LRRC4C: variants seen among roughly 807,000 people sequenced by gnomAD.
LRRC4C encodes the protein leucine-rich repeat-containing protein 4C.
In LRRC4C, 5 loss-of-function variants were observed where a neutral mutation model predicts 33.6. That is an observed-to-expected ratio of 0.15 (90% CI 0.08 to 0.31). LRRC4C has a LOEUF of 0.31. LRRC4C is among the 10% of genes least tolerant of loss of function. The pLI is 1.00. For synonymous variants in LRRC4C, 329 were observed against 302.0 expected (o/e 1.09, Z -0.93); for missense variants, 560 against 796.7 (o/e 0.70, Z 3.58).
intron 1 of LRRC4C, among the ~76,000 whole-genome samples, chr11:41,379,517 A>G (rs1044044391): frequency 6.6e-6 from 1 of 152,164 alleles, no homozygotes; most frequent in African/African-American, 2.4e-5. Context: ...TTTGGGCACA[A>G]GATAAGTATT....
chr11:41,221,521 A>G lies in LRRC4C; in HGVS notation c.-496+237910T>C, dbSNP rs550998319. On this transcript the variant is annotated intron_variant, in intron 1 of 6. Coordinates refer to ENST00000528697, the MANE Select transcript of LRRC4C (RefSeq NM_001258419.2). Reference sequence around the variant, plus strand: ...TCCTCAAAGACATAAAGACATAAATACCATTTGACCCAGCAATCCCATTAC... The same window carrying G: ...TCCTCAAAGACATAAAGACATAAATGCCATTTGACCCAGCAATCCCATTAC... Among the ~76,000 whole-genome samples, 568 of 152,264 alleles carry G rather than the reference A, an allele frequency of 3.7e-3. 3 individuals carry two copies. Among genetic ancestry groups the G allele is most frequent in the Middle Eastern group, 0.02 (6 of 294 alleles).
At chr11:40,296,841 C>T (rs1211334184) in intron 4 of LRRC4C, among the ~76,000 whole-genome samples, 2 of 152,166 alleles carry the variant, frequency 1.3e-5, no homozygotes, top group Non-Finnish European at 2.9e-5. Flanking sequence ...AATAATATTA[C>T]ACCACCACCC....
At chr11:40,191,147 G>T (rs907599295) in intron 5 of LRRC4C, among the ~76,000 whole-genome samples, 1 of 152,108 alleles carries the variant, frequency 6.6e-6, no homozygotes, top group African/African-American at 2.4e-5. Flanking sequence ...TCAGGAAAAT[G>T]GCCCCATGTG....
chr11:40,956,459 C>A (rs1233817857), intron 1 of LRRC4C, among the ~76,000 whole-genome samples: 104 of 151,618 alleles, frequency 6.9e-4, no homozygotes, highest in Non-Finnish European at 4.4e-5. Flanking sequence ...CTGTTTAGTA[C>A]AAGATCTGCT....
chr11:41,264,278 G>C (rs898256226), intron 1 of LRRC4C, among the ~76,000 whole-genome samples: 4 of 151,954 alleles, frequency 2.6e-5, no homozygotes, highest in Non-Finnish European at 5.9e-5. Flanking sequence ...TTTTAGTAGA[G>C]ATGGGGTTTC....
At chr11:40,978,136 T>G (rs1852218475) in intron 1 of LRRC4C, among the ~76,000 whole-genome samples, 2 of 152,222 alleles carry the variant, frequency 1.3e-5, no homozygotes. Flanking sequence ...TTCCATTTAT[T>G]ATTGCATTAG....
At chr11:41,425,886 A>G (rs1173606945) in intron 1 of LRRC4C, among the ~76,000 whole-genome samples, 1 of 152,070 alleles carries the variant, frequency 6.6e-6, no homozygotes, top group East Asian at 1.9e-4. Context: ...CACGTGGGTA[A>G]GGGATAGGTT....
chr11:40,911,086 G>C (rs540805913), intron 2 of LRRC4C, among the ~76,000 whole-genome samples: 127 of 152,318 alleles, frequency 8.3e-4, no homozygotes, highest in Non-Finnish European at 1.4e-3. Flanking sequence ...AGCTCAAGGA[G>C]GCCTGCCTGC....
At chr11:40,539,485 C>T (rs1049281814) in intron 3 of LRRC4C, among the ~76,000 whole-genome samples, 8 of 151,982 alleles carry the variant, frequency 5.3e-5, no homozygotes, top group African/African-American at 1.9e-4. Flanking sequence ...AAGTTTGAAG[C>T]TCTATCATTT....
chr11:41,053,258 C>T (rs1347094657), intron 1 of LRRC4C, among the ~76,000 whole-genome samples: 1 of 152,206 alleles, frequency 6.6e-6, no homozygotes, highest in East Asian at 1.9e-4. Flanking sequence ...TTAAATACCC[C>T]TCTTGCTAGG....
chr11:40,162,091 C>T (rs1397156291), intron 5 of LRRC4C, among the ~76,000 whole-genome samples: 2 of 151,670 alleles, frequency 1.3e-5, no homozygotes, highest in African/African-American at 4.8e-5. Context: ...GGGTTGTATT[C>T]ATAGTTCCAA....
intron 1 of LRRC4C, among the ~76,000 whole-genome samples, chr11:41,252,423 G>C (rs1165834838): frequency 6.6e-6 from 1 of 152,238 alleles, no homozygotes; most frequent in East Asian, 1.9e-4. Flanking sequence ...CAAAGGAGTA[G>C]AGAAAGAGTT....
At chr11:41,457,063 A>G (rs577584498) in intron 1 of LRRC4C, among the ~76,000 whole-genome samples, 1 of 152,336 alleles carries the variant, frequency 6.6e-6, no homozygotes, top group East Asian at 1.9e-4. Context: ...TACAATTATT[A>G]AATCTTTAAT....
intron 1 of LRRC4C, among the ~76,000 whole-genome samples, chr11:41,096,231 C>A (rs1426049299): frequency 2.0e-5 from 3 of 152,116 alleles, no homozygotes; most frequent in African/African-American, 7.2e-5. Context: ...TATTAACATT[C>A]TTTTGCATTT....
intron 3 of LRRC4C, among the ~76,000 whole-genome samples, chr11:40,557,334 T>A (rs1957370275): frequency 6.6e-6 from 1 of 152,120 alleles, no homozygotes; most frequent in African/African-American, 2.4e-5. Context: ...GGTCACTTGG[T>A]CTCTTCGAGT....
intron 1 of LRRC4C, among the ~76,000 whole-genome samples, chr11:41,331,687 A>G (rs1221745509): frequency 6.6e-6 from 1 of 152,130 alleles, no homozygotes; most frequent in East Asian, 1.9e-4. Context: ...TTCCATGGCT[A>G]CAACATACAG....
intron 1 of LRRC4C, among the ~76,000 whole-genome samples, chr11:41,356,312 C>T (rs1952159543): frequency 6.6e-6 from 1 of 152,092 alleles, no homozygotes; most frequent in Admixed American, 6.6e-5. Context: ...ACTGGTAGAT[C>T]ACACTGTGTC....
At chr11:40,202,421 A>T (rs1862831856) in intron 5 of LRRC4C, among the ~76,000 whole-genome samples, 2 of 152,096 alleles carry the variant, frequency 1.3e-5, no homozygotes, top group South Asian at 4.1e-4. Flanking sequence ...GGGAAAGTCA[A>T]GCAGGGAGAG....
intron 5 of LRRC4C, among the ~76,000 whole-genome samples, chr11:40,155,837 C>A (rs1858641877): frequency 6.6e-6 from 1 of 152,038 alleles, no homozygotes; most frequent in South Asian, 2.1e-4. Flanking sequence ...AAGAACCTTC[C>A]CTAACTCATT....
Sources: gnomAD v4.1 joint callset for allele counts (sites outside exome capture counted in the v4.1 genomes callset) on GRCh38, gnomAD v4.1.1 for gene constraint, MANE v1.5 for transcripts, NCBI Gene and HGNC (gene_info 2026-07-23, HGNC 2026-07-21) for gene names.